Variants in HPSE2 observed in about 807,000 individuals in gnomAD.
HPSE2 encodes the protein inactive heparanase-2.
In HPSE2, 38 loss-of-function variants were observed where a neutral mutation model predicts 60.5. The ratio of observed to expected loss-of-function variants is 0.63; its 90% CI spans 0.48 to 0.82. The LOEUF is 0.82. Among genes scored for constraint, HPSE2 ranks in the 40% least tolerant of loss-of-function variants. The pLI is 0.00. For missense variants in HPSE2, 713 were observed against 740.4 expected, an observed-to-expected ratio of 0.96 and a Z score of 0.43; for synonymous variants, 295 against 293.2, an observed-to-expected ratio of 1.01 and a Z score of -0.06.
chr10:99,182,691 T>G lies in HPSE2; in HGVS notation c.449-38292A>C, dbSNP rs566347442. 2.6e-5 allele frequency among the ~76,000 whole-genome samples: 4 copies of G among 152,118 alleles called. No individual in the cohort carries two copies. The South Asian group carries it at 8.3e-4, about 32-fold the overall frequency. On this transcript the variant is annotated intron_variant, in intron 2 of 11. Coordinates refer to ENST00000370552, the MANE Select transcript of HPSE2 (RefSeq NM_021828.5). ...GGAATAACAGGAACCAGATTAACCA[T>G]CCTATCTTGGAAACCTAAAAAACAG...
rs560303484 is a variant in HPSE2, at chr10:99,198,025, C to T, written c.448+34323G>A. 1.9e-4 allele frequency among the ~76,000 whole-genome samples: 29 copies of T among 151,236 alleles called. No individual in the cohort carries two copies. In the South Asian group the frequency reaches 5.4e-3, roughly 28 times the overall value. On this transcript the variant is annotated intron_variant, in intron 2 of 11. Coordinates refer to ENST00000370552, the MANE Select transcript of HPSE2 (RefSeq NM_021828.5). The stretch of plus-strand genomic sequence containing the variant: ...AGCACAGGTTGCAGTGAGCCAAGAT[C>T]GTGCCACACTCCAGCTTGGGCAACA...
intron 6 of HPSE2, among the ~76,000 whole-genome samples, chr10:98,683,214 T>A (rs1353751634): frequency 6.6e-6 from 1 of 152,150 alleles, no homozygotes; most frequent in Non-Finnish European, 1.5e-5. Context: ...AATCACCTTT[T>A]TATGTCTCTC....
chr10:99,041,910 G>C, intron 3 of HPSE2, among the ~76,000 whole-genome samples: 1 of 152,192 alleles, frequency 6.6e-6, no homozygotes, highest in Non-Finnish European at 1.5e-5. Context: ...ACATGCTGCA[G>C]CTACCATATG....
At chr10:98,854,537 T>C (rs1031241226) in intron 3 of HPSE2, among the ~76,000 whole-genome samples, 16 of 152,254 alleles carry the variant, frequency 1.1e-4, no homozygotes, top group East Asian at 1.9e-4. Context: ...ATAAATTTCT[T>C]TAATTGGCAT....
chr10:98,671,414 T>C (rs1174785423), intron 6 of HPSE2, among the ~76,000 whole-genome samples: 1 of 152,244 alleles, frequency 6.6e-6, no homozygotes, highest in African/African-American at 2.4e-5. Context: ...TACTGTTTTG[T>C]ATTACTCACA....
chr10:98,633,036 C>T (rs1946405859), intron 7 of HPSE2, among the ~76,000 whole-genome samples: 1 of 152,176 alleles, frequency 6.6e-6, no homozygotes, highest in Non-Finnish European at 1.5e-5. Context: ...TCTTCTGCCT[C>T]TGCCATTCCT....
intron 2 of HPSE2, among the ~76,000 whole-genome samples, chr10:99,193,867 G>T (rs1261551654): frequency 6.6e-6 from 1 of 152,084 alleles, no homozygotes; most frequent in Admixed American, 6.6e-5. Context: ...CCCACTTTCA[G>T]CATTGGACAG....
chr10:98,685,507 G>A (rs1449302865), intron 6 of HPSE2, among the ~76,000 whole-genome samples: 1 of 152,066 alleles, frequency 6.6e-6, no homozygotes, highest in East Asian at 1.9e-4. Context: ...TGAAATAATA[G>A]AAATGTGCTT....
At position 98,884,619 on chromosome 10, in the gene HPSE2, T is replaced by C. The variant is rs562756189; in HGVS notation, c.611-140563A>G. Among the ~76,000 whole-genome samples, 103 of 152,260 alleles carry C rather than the reference T, an allele frequency of 6.8e-4. No individual in the cohort carries two copies. The Middle Eastern group carries it at 0.01, about 15-fold the overall frequency. On this transcript the variant is annotated intron_variant, in intron 3 of 11. Coordinates refer to ENST00000370552, the MANE Select transcript of HPSE2 (RefSeq NM_021828.5). ...ATGACAAAACCTGGATGACAGCACA[T>C]CTGTTTACAGCATGGTTTACTCTAG...
At chr10:98,633,137 C>T (rs1425453122) in intron 7 of HPSE2, among the ~76,000 whole-genome samples, 6 of 152,132 alleles carry the variant, frequency 3.9e-5, no homozygotes, top group Admixed American at 3.9e-4. Flanking sequence ...TGATGATCTG[C>T]TTCCACTTAA....
chr10:98,512,720 G>A (rs761079730), intron 9 of HPSE2, among the ~76,000 whole-genome samples: 3 of 151,386 alleles, frequency 2.0e-5, no homozygotes, highest in Non-Finnish European at 4.4e-5. Context: ...GGATGTTGGT[G>A]GTTTTCTCCC....
At chr10:99,287,035 A>G in the HPSE2 span, among the ~76,000 whole-genome samples, 2 of 152,178 alleles carry the variant, frequency 1.3e-5, no homozygotes, top group African/African-American at 4.8e-5. Context: ...CACAAACAAC[A>G]TAATAGCAGA....
intron 3 of HPSE2, among the ~76,000 whole-genome samples, chr10:98,937,128 C>T (rs1954823131): frequency 7.0e-6 from 1 of 143,750 alleles, no homozygotes. Context: ...GTAGGAACAG[C>T]TCTGGTCTAC....
chr10:98,541,438 T>A (rs998389264), intron 9 of HPSE2, among the ~76,000 whole-genome samples: 8 of 152,166 alleles, frequency 5.3e-5, no homozygotes, highest in African/African-American at 1.9e-4. Context: ...ACCGGGTTCA[T>A]CTCACTAGGG....
chr10:99,073,706 ATG>A (rs376030090), intron 3 of HPSE2, among the ~76,000 whole-genome samples: 1 of 152,324 alleles, frequency 6.6e-6, no homozygotes, highest in African/African-American at 2.4e-5. Flanking sequence ...CTCTCCATGT[ATG>A]TGTGTCAAAT....
Position 98,714,514 on chromosome 10 carries a change from C to T in HPSE2, c.956+7143G>A, listed in dbSNP as rs1948747583. Among the ~76,000 whole-genome samples, 3 of 151,714 alleles carry T rather than the reference C, an allele frequency of 2.0e-5. No homozygotes were observed. The South Asian group carries it at 6.2e-4, about 31-fold the overall frequency. On this transcript the variant is annotated intron_variant, in intron 5 of 11. Coordinates refer to ENST00000370552, the MANE Select transcript of HPSE2 (RefSeq NM_021828.5). ...GACCATAATATTTTTAAGGTTTATC[C>T]ATGTTATAACATGTATTGGTGCTTC...
At chr10:98,647,961 G>A (rs1946816481) in intron 6 of HPSE2, among the ~76,000 whole-genome samples, 1 of 152,216 alleles carries the variant, frequency 6.6e-6, no homozygotes, top group African/African-American at 2.4e-5. Context: ...CAGTAAGAAA[G>A]AGTTTGTACT....
intron 2 of HPSE2, 59 bp downstream of exon 2, chr10:99,232,273 GAACACACAGATACACA>G: frequency 7.3e-7 from 1 of 1,374,360 alleles, no homozygotes; most frequent in East Asian, 2.6e-5. Context: ...ACAGACACAC[GAACACACAGATACACA>G]AACACAGCGG....
At chr10:99,132,187 AAGAAAGAGAGAGAGAG>A (rs1845432701) in intron 3 of HPSE2, among the ~76,000 whole-genome samples, 4 of 24,160 alleles carry the variant, frequency 1.7e-4, no homozygotes, top group African/African-American at 4.1e-4. Flanking sequence ...GAAAGAAAGA[AAGAAAGAGAGAGAGAG>A]AGAGAGAGAG....
Sources: allele counts gnomAD v4.1 joint callset (sites outside exome capture counted in the v4.1 genomes callset), GRCh38; gene constraint gnomAD v4.1.1; transcripts MANE v1.5; gene names NCBI Gene and HGNC (gene_info 2026-07-23, HGNC 2026-07-21).